The following NRXN3 variants were observed in gnomAD, a reference collection of about 807,000 sequenced individuals.
NRXN3 encodes neurexin 3, also known as neurexin III.
NRXN3 carries 32 observed loss-of-function variants against 137.6 expected under a neutral mutation model. The ratio of observed to expected loss-of-function variants is 0.23; its 90% CI spans 0.18 to 0.31. The LOEUF is 0.31. NRXN3 is among the 10% of genes least tolerant of loss of function. The probability of loss-of-function intolerance (pLI) is 1.00; values close to 1 mark genes in which losing one functional copy is unlikely to be tolerated. For missense variants in NRXN3, 1,574 were observed against 2,062.5 expected (o/e 0.76, Z 4.59); for synonymous variants, 798 against 784.5 (o/e 1.02, Z -0.29).
intron 4 of NRXN3, among the ~76,000 whole-genome samples, chr14:78,424,298 T>C (rs1317787543): frequency 6.6e-6 from 1 of 152,214 alleles, no homozygotes; most frequent in Non-Finnish European, 1.5e-5. Flanking sequence ...GTTTGTCAGT[T>C]CTGAATTTGC....
At chr14:78,397,475 G>A (rs77246724) in intron 4 of NRXN3, among the ~76,000 whole-genome samples, 3,959 of 151,762 alleles carry the variant, frequency 0.026, 153 homozygotes, top group African/African-American at 0.084. Context: ...TTTGGTTATT[G>A]TAGTTTATCA....
At chr14:78,501,789 T>C (rs1294111096) in intron 4 of NRXN3, among the ~76,000 whole-genome samples, 3 of 152,110 alleles carry the variant, frequency 2.0e-5, no homozygotes, top group Non-Finnish European at 2.9e-5. Context: ...AGCACAGAGA[T>C]TGGGGGCAGG....
intron 11 of NRXN3, among the ~76,000 whole-genome samples, chr14:78,962,329 AT>A (rs1475547556): frequency 6.6e-6 from 1 of 150,642 alleles, no homozygotes; most frequent in African/African-American, 2.4e-5. Context: ...ATTATGCAGT[AT>A]TTAGCACAGT....
At chr14:79,737,859 A>G (rs1264046801) in intron 19 of NRXN3, among the ~76,000 whole-genome samples, 1 of 152,092 alleles carries the variant, frequency 6.6e-6, no homozygotes, top group Non-Finnish European at 1.5e-5. Context: ...TGCCCAGCCC[A>G]TTGTGCAGTG....
At chr14:79,614,020 A>G (rs755540684) in intron 16 of NRXN3, among the ~76,000 whole-genome samples, 2 of 152,220 alleles carry the variant, frequency 1.3e-5, no homozygotes, top group Non-Finnish European at 2.9e-5. Context: ...TTTATTTTCT[A>G]ATAACAATTC....
chr14:78,718,074 G>A (rs905994844), intron 8 of NRXN3, among the ~76,000 whole-genome samples: 7 of 152,062 alleles, frequency 4.6e-5, no homozygotes, highest in African/African-American at 9.7e-5. Flanking sequence ...AATACTTTTC[G>A]GATTAAGGAG....
intron 8 of NRXN3, among the ~76,000 whole-genome samples, chr14:78,739,352 C>T (rs1676582746): frequency 6.6e-6 from 1 of 152,198 alleles, no homozygotes. Context: ...CTTATGGTTA[C>T]AATATGGTTC....
At chr14:78,482,612 T>C (rs2095491748) in intron 4 of NRXN3, among the ~76,000 whole-genome samples, 1 of 152,238 alleles carries the variant, frequency 6.6e-6, no homozygotes. Flanking sequence ...ACTTGTCTCA[T>C]GTACTTCAAC....
intron 15 of NRXN3, among the ~76,000 whole-genome samples, chr14:79,244,978 T>C (rs1435558742): frequency 6.6e-6 from 1 of 152,064 alleles, no homozygotes; most frequent in Non-Finnish European, 1.5e-5. Context: ...AGGCAGGATA[T>C]AACAGTGGAA....
chr14:78,821,977 A>G (rs2098952146), intron 10 of NRXN3, among the ~76,000 whole-genome samples: 1 of 152,142 alleles, frequency 6.6e-6, no homozygotes, highest in African/African-American at 2.4e-5. Context: ...CTTATCCATG[A>G]CTTTGTTTAT....
At chr14:79,377,566 C>G (rs1182435598) in intron 15 of NRXN3, among the ~76,000 whole-genome samples, 1 of 151,408 alleles carries the variant, frequency 6.6e-6, no homozygotes, top group African/African-American at 2.4e-5. Flanking sequence ...CCAGCCTGGC[C>G]AACATAGCGA....
chr14:79,554,030 G>T (rs532759039), intron 16 of NRXN3, among the ~76,000 whole-genome samples: 2 of 152,278 alleles, frequency 1.3e-5, no homozygotes, highest in East Asian at 1.9e-4. Context: ...CCCAGGAAAG[G>T]TCAGTTGTAA....
At chr14:79,218,897 A>G (rs542714879) in intron 15 of NRXN3, among the ~76,000 whole-genome samples, 13 of 152,186 alleles carry the variant, frequency 8.5e-5, no homozygotes, top group African/African-American at 3.1e-4. Context: ...AAGGTGCTAA[A>G]TTATCTAATT....
chr14:78,661,090 A>G (rs935728219), intron 6 of NRXN3, among the ~76,000 whole-genome samples: 2 of 152,228 alleles, frequency 1.3e-5, no homozygotes, highest in Non-Finnish European at 2.9e-5. Context: ...TAAAGACTAG[A>G]CAATTGAAAA....
chr14:78,500,481 A>T (rs980192729), intron 4 of NRXN3, among the ~76,000 whole-genome samples: 6 of 152,180 alleles, frequency 3.9e-5, no homozygotes, highest in Non-Finnish European at 4.4e-5. Context: ...AACACTGTGA[A>T]GAGAAGTTGC....
chr14:79,691,291 C>G (rs1411225095), intron 17 of NRXN3, among the ~76,000 whole-genome samples: 1 of 151,924 alleles, frequency 6.6e-6, no homozygotes, highest in Admixed American at 6.6e-5. Context: ...GTATTCCTAA[C>G]AGGCTTTATG....
intron 15 of NRXN3, among the ~76,000 whole-genome samples, chr14:79,012,303 G>T (rs1329949224): frequency 6.6e-6 from 1 of 152,138 alleles, no homozygotes; most frequent in Non-Finnish European, 1.5e-5. Context: ...AGAACATTAA[G>T]TGGACATTTA....
At chr14:79,508,351 C>CT (rs1236199227) in intron 16 of NRXN3, among the ~76,000 whole-genome samples, 1 of 105,026 alleles carries the variant, frequency 9.5e-6, no homozygotes, top group Non-Finnish European at 2.0e-5. Flanking sequence ...TGGGGGATAT[C>CT]TTTTTTATAA....
At chr14:78,466,826 T>C (rs1323262243) in intron 4 of NRXN3, among the ~76,000 whole-genome samples, 1 of 152,208 alleles carries the variant, frequency 6.6e-6, no homozygotes, top group Non-Finnish European at 1.5e-5. Context: ...GGTGTGAACA[T>C]GAGGATAGAA....
Sources: gnomAD v4.1 joint callset for allele counts (sites outside exome capture counted in the v4.1 genomes callset) on GRCh38, gnomAD v4.1.1 for gene constraint, MANE v1.5 for transcripts, NCBI Gene and HGNC (gene_info 2026-07-23, HGNC 2026-07-21) for gene names.